Variants in CHIC1 observed in about 807,000 individuals in gnomAD.
The protein encoded by CHIC1 is cysteine-rich hydrophobic domain-containing protein 1.
CHIC1 carries 7 observed loss-of-function variants against 18.5 expected under a neutral mutation model. That is an observed-to-expected ratio of 0.38 (90% confidence interval 0.22 to 0.71). The LOEUF (loss-of-function observed/expected upper bound fraction) is 0.71, where lower values mean the gene tolerates loss of function less well. Ranked by LOEUF, CHIC1 falls within the 30% of genes least tolerant of loss-of-function variation. CHIC1 has a pLI of 0.49. For synonymous variants in CHIC1, 77 were observed against 73.5 expected, an observed-to-expected ratio of 1.05 and a Z score of -0.25; for missense variants, 159 against 176.9, an observed-to-expected ratio of 0.90 and a Z score of 0.57.
intron 3 of CHIC1, among the ~76,000 whole-genome samples, chrX:73,658,300 C>T (rs951519700): frequency 2.0e-4 from 7 of 34,944 alleles, no homozygotes; most frequent in Admixed American, 1.1e-3. Flanking sequence ...CTATTTATTA[C>T]GGCCGCAACT....
intron 3 of CHIC1, among the ~76,000 whole-genome samples, chrX:73,623,764 GTTT>G (rs1190143376): frequency 5.4e-5 from 6 of 111,466 alleles, no homozygotes; most frequent in African/African-American, 1.9e-4. Context: ...TTATAAAACT[GTTT>G]TTATTTCCCA....
chrX:73,646,209 G>A (rs1048370434), intron 3 of CHIC1, among the ~76,000 whole-genome samples: 8 of 111,715 alleles, frequency 7.2e-5, no homozygotes, highest in African/African-American at 2.6e-4. Flanking sequence ...TTGACCATGA[G>A]TAAACATAGG....
At chrX:73,665,718 G>A (rs190430498) in intron 3 of CHIC1, among the ~76,000 whole-genome samples, 5 of 111,152 alleles carry the variant, frequency 4.5e-5, no homozygotes, top group East Asian at 2.9e-4. Context: ...ACCAGCTGCC[G>A]GGTCTGACCA....
At chrX:73,655,657 A>G (rs867131821) in intron 3 of CHIC1, among the ~76,000 whole-genome samples, 2,643 of 95,230 alleles carry the variant, frequency 0.028, 319 homozygotes, top group African/African-American at 0.11. Flanking sequence ...GTGTATATAT[A>G]TATATATATA....
chrX:73,615,432 G>A (rs765760116), intron 3 of CHIC1, among the ~76,000 whole-genome samples: 1 of 111,633 alleles, frequency 9.0e-6, no homozygotes, highest in African/African-American at 3.3e-5. Context: ...AGGAGTGGCA[G>A]GACAACCCTC....
At chrX:73,665,129 G>A (rs1043727086) in intron 3 of CHIC1, among the ~76,000 whole-genome samples, 2 of 112,016 alleles carry the variant, frequency 1.8e-5, no homozygotes, top group African/African-American at 6.5e-5. Flanking sequence ...CATAGCTGCA[G>A]TGTATCCCTT....
intron 1 of CHIC1, among the ~76,000 whole-genome samples, chrX:73,575,554 G>A (rs1002474676): frequency 2.5e-4 from 27 of 109,915 alleles, no homozygotes; most frequent in African/African-American, 8.9e-4. Context: ...ATTACTATAG[G>A]CAATTGTAAC....
At chrX:73,621,339 T>C (rs2057759375) in intron 3 of CHIC1, among the ~76,000 whole-genome samples, 1 of 112,350 alleles carries the variant, frequency 8.9e-6, no homozygotes, top group African/African-American at 3.2e-5. Context: ...GAGCAGGGAA[T>C]GTTTTTCCAT....
chrX:73,579,842 A>G lies in CHIC1; in HGVS notation c.351+2381A>G, dbSNP rs1352038097. ...ATGAATAAAGTAGCTATGGAAATAT[A>G]TCTTGAATAATAGTGTATTTTTGTA... On this transcript the variant is annotated intron_variant, in intron 2 of 5. Coordinates refer to ENST00000373502, the MANE Select transcript of CHIC1 (RefSeq NM_001039840.4). Among the ~76,000 whole-genome samples, 2 of 110,781 alleles carry G rather than the reference A, an allele frequency of 1.8e-5. 1 individual carries two copies. Among genetic ancestry groups the G allele is most frequent in the African/African-American group, 6.5e-5 (2 of 30,723 alleles).
At chrX:73,654,728 G>A (rs773770890) in intron 3 of CHIC1, among the ~76,000 whole-genome samples, 1 of 111,835 alleles carries the variant, frequency 8.9e-6, no homozygotes, top group South Asian at 3.7e-4. Context: ...GGTCTGTTCA[G>A]ATTTTAGTGT....
At chrX:73,621,925 A>T (rs2057762322) in intron 3 of CHIC1, among the ~76,000 whole-genome samples, 1 of 112,079 alleles carries the variant, frequency 8.9e-6, no homozygotes, top group Non-Finnish European at 1.9e-5. Flanking sequence ...AATTTTGTCA[A>T]AGGCTTTTTC....
At chrX:73,575,765 A>G (rs2057494482) in intron 1 of CHIC1, among the ~76,000 whole-genome samples, 1 of 109,928 alleles carries the variant, frequency 9.1e-6, no homozygotes, top group Admixed American at 9.7e-5. Flanking sequence ...TGTAAATACC[A>G]TATACTTAGG....
In CHIC1 at chrX:73,680,064, A is replaced by T. The variant is rs1182770481; in HGVS notation, c.624+351A>T. On this transcript the variant is annotated intron_variant, in intron 5 of 5. Transcript: ENST00000373502. ...CTTGTCAAAACTTGCATAAAATAGGAGTTGATATCTGCATTCTGGATTCCT... is the reference window on the plus strand; with the variant it reads ...CTTGTCAAAACTTGCATAAAATAGGTGTTGATATCTGCATTCTGGATTCCT... 9.3e-5 allele frequency among the ~76,000 whole-genome samples: 10 copies of T among 107,310 alleles called. No individual in the cohort carries two copies. In the East Asian group the frequency reaches 2.9e-3, roughly 32 times the overall value. 93.2% of individuals were successfully genotyped at this position (107,310 alleles called of 115,157 possible).
At chrX:73,617,386 A>C (rs2057737656) in intron 3 of CHIC1, among the ~76,000 whole-genome samples, 1 of 111,664 alleles carries the variant, frequency 9.0e-6, no homozygotes, top group South Asian at 3.8e-4. Flanking sequence ...GAGCCTTCCA[A>C]ACTGTTCCAG....
intron 3 of CHIC1, among the ~76,000 whole-genome samples, chrX:73,658,247 G>GATT (rs2057960525): frequency 3.4e-5 from 1 of 28,995 alleles, no homozygotes; most frequent in African/African-American, 1.1e-4. Flanking sequence ...CCTGGTCCTA[G>GATT]GTTTTTTTTT....
intron 1 of CHIC1, among the ~76,000 whole-genome samples, chrX:73,568,321 A>T (rs958759604): frequency 4.5e-5 from 5 of 111,938 alleles, no homozygotes; most frequent in African/African-American, 1.6e-4. Flanking sequence ...CATGAAATTC[A>T]TTATGATTTC....
chrX:73,672,458 A>G (rs1603350693), intron 3 of CHIC1, among the ~76,000 whole-genome samples: 1 of 111,983 alleles, frequency 8.9e-6, no homozygotes, highest in African/African-American at 3.2e-5. Flanking sequence ...AATGATCACC[A>G]TTCTAACTGG....
chrX:73,572,873 C>T (rs182190472), intron 1 of CHIC1, among the ~76,000 whole-genome samples: 27 of 110,731 alleles, frequency 2.4e-4, no homozygotes, highest in Non-Finnish European at 4.8e-4. Context: ...ATACATAGAT[C>T]GTGGATATTT....
rs2058105341 is a variant in CHIC1, at chrX:73,683,009, C to A, written c.*2004C>A. The A allele has an allele frequency of 9.0e-6, 1 of 110,980 alleles. No homozygotes were observed. The highest frequency in any genetic ancestry group is 3.7e-4 in the South Asian group (1 of 2,686). The allele number at this position is 110,980 out of a possible 1,213,427, so 9.1% of individuals were successfully genotyped here. A position where few individuals can be genotyped will look rare whatever the true frequency, so the allele number is the denominator to read the frequency against. ...CTTTTAAGTGTTGATCCTTAGAAATCTTATTTTTTTCTATAACCTTAGAAT... is the reference window on the plus strand; with the variant it reads ...CTTTTAAGTGTTGATCCTTAGAAATATTATTTTTTTCTATAACCTTAGAAT... On this transcript the variant is annotated 3_prime_UTR_variant, in exon 6 of 6. Transcript: ENST00000373502.
Sources: gnomAD v4.1 joint callset for allele counts (sites outside exome capture counted in the v4.1 genomes callset) on GRCh38, gnomAD v4.1.1 for gene constraint, MANE v1.5 for transcripts, NCBI Gene and HGNC (gene_info 2026-07-23, HGNC 2026-07-21) for gene names.